Variants in BMPR2 observed in about 807,000 individuals in gnomAD.
BMPR2 encodes the protein bone morphogenetic protein receptor type-2.
In BMPR2, 29 loss-of-function variants were observed where a neutral mutation model predicts 100.8. The ratio of observed to expected loss-of-function variants is 0.29; its 90% CI spans 0.21 to 0.39. The LOEUF (loss-of-function observed/expected upper bound fraction) is 0.39, where lower values mean the gene tolerates loss of function less well. BMPR2 is among the 10% of genes least tolerant of loss of function. The pLI is 1.00. For missense variants in BMPR2, 1,011 were observed against 1,274.5 expected, an observed-to-expected ratio of 0.79 and a Z score of 3.15; for synonymous variants, 382 against 442.3, an observed-to-expected ratio of 0.86 and a Z score of 1.71.
At position 202,515,625 on chromosome 2, in the gene BMPR2, C is replaced by G. The variant is rs1017088990; in HGVS notation, c.621+646C>G. ...GAAAATATGGCCAGGTGCAGTGGCT[C>G]ACGCCTGTAATCCTATCACTTTGGG... On this transcript the variant is annotated intron_variant, in intron 5 of 12. Transcript: ENST00000374580. Among the ~76,000 whole-genome samples, 19 of 151,796 alleles carry G rather than the reference C, an allele frequency of 1.3e-4. 1 individual carries two copies. The highest frequency in any genetic ancestry group is 6.2e-4 in the South Asian group (3 of 4,804).
rs1688700321 is a variant in BMPR2 at position 202,562,951 on chromosome 2, A to G, written c.*3005A>G. 1 of 152,186 alleles carries G rather than the reference A, an allele frequency of 6.6e-6. No homozygotes were observed. Among genetic ancestry groups the G allele is most frequent in the African/African-American group, 2.4e-5 (1 of 41,454 alleles). 9.4% of individuals were successfully genotyped at this position (152,186 alleles called of 1,614,324 possible). A position where few individuals can be genotyped will look rare whatever the true frequency, so the allele number is the denominator to read the frequency against. On this transcript the variant is annotated 3_prime_UTR_variant, in exon 13 of 13. Transcript: ENST00000374580. ...CTCAGAGCAACCATATGAGCATTGT[A>G]ATTAATATTCCCATTTTACAGATGA...
At chr2:202,489,275 T>A (rs1189078170) in intron 3 of BMPR2, among the ~76,000 whole-genome samples, 2 of 152,222 alleles carry the variant, frequency 1.3e-5, no homozygotes, top group African/African-American at 4.8e-5. Flanking sequence ...AGTGCTGGGA[T>A]TACAGGCGTG....
intron 3 of BMPR2, among the ~76,000 whole-genome samples, chr2:202,480,044 G>A (rs796766588): frequency 6.6e-5 from 10 of 152,076 alleles, no homozygotes; most frequent in African/African-American, 2.4e-4. Flanking sequence ...TTAGTTGGTG[G>A]TATTCTTTGA....
chr2:202,496,988 G>A lies in BMPR2; in HGVS notation c.419-16731G>A, dbSNP rs13405037. On this transcript the variant is annotated intron_variant, in intron 3 of 12. Transcript: ENST00000374580. ...AGTTCCGGGTGGGCATGGGCTTGGC[G>A]GGCCCCGCACTCGGAGCAGCCGGCC... is the stretch of plus-strand genomic sequence containing the variant. Among the ~76,000 whole-genome samples the A allele has an allele frequency of 6.3e-3, 965 of 152,350 alleles. 15 individuals are homozygous for A. Among genetic ancestry groups the A allele is most frequent in the African/African-American group, 0.022 (897 of 41,586 alleles).
intron 10 of BMPR2, among the ~76,000 whole-genome samples, chr2:202,551,437 T>A (rs1244242697): frequency 6.6e-6 from 1 of 150,558 alleles, no homozygotes; most frequent in Admixed American, 6.6e-5. Flanking sequence ...GGGAGGAGAA[T>A]CACTTGAACC....
chr2:202,529,381 G>A (rs938886318), intron 7 of BMPR2, among the ~76,000 whole-genome samples: 9 of 152,236 alleles, frequency 5.9e-5, no homozygotes, highest in Non-Finnish European at 1.0e-4. Context: ...AATGAGTACA[G>A]AGGGGAGTTT....
intron 1 of BMPR2, among the ~76,000 whole-genome samples, chr2:202,440,628 G>A (rs1691719222): frequency 1.3e-5 from 2 of 150,662 alleles, no homozygotes; most frequent in Admixed American, 1.3e-4. Flanking sequence ...CTGGGAGGTG[G>A]TGGAGGTTGT....
At chr2:202,529,814 A>G (rs960199845) in intron 7 of BMPR2, among the ~76,000 whole-genome samples, 3 of 152,200 alleles carry the variant, frequency 2.0e-5, no homozygotes, top group Non-Finnish European at 4.4e-5. Flanking sequence ...TACTGAGTCT[A>G]TTTGTGCCAA....
At chr2:202,395,906 C>T (rs918221850) in intron 1 of BMPR2, among the ~76,000 whole-genome samples, 3 of 152,050 alleles carry the variant, frequency 2.0e-5, no homozygotes, top group Non-Finnish European at 1.5e-5. Context: ...CATTGCACTC[C>T]AGCCTGGGCA....
intron 3 of BMPR2, among the ~76,000 whole-genome samples, chr2:202,485,545 C>CTTTTTTTTTTTTTCTTTTT (rs1692757746): frequency 1.6e-5 from 1 of 64,010 alleles, no homozygotes; most frequent in Non-Finnish European, 2.7e-5. Context: ...TTGCCTTTAT[C>CTTTTTTTTTTTTTCTTTTT]TTTTTTTTTT....
chr2:202,496,637 A>G (rs940116562), intron 3 of BMPR2, among the ~76,000 whole-genome samples: 1 of 152,234 alleles, frequency 6.6e-6, no homozygotes, highest in Non-Finnish European at 1.5e-5. Flanking sequence ...AAAACCACCA[A>G]TACCTCATTT....
chr2:202,391,460 A>G (rs1690547591), intron 1 of BMPR2, among the ~76,000 whole-genome samples: 1 of 151,912 alleles, frequency 6.6e-6, no homozygotes, highest in Admixed American at 6.6e-5. Flanking sequence ...GTGTACCACC[A>G]TGCCCGGCTA....
At chr2:202,399,515 A>G (rs1406146539) in intron 1 of BMPR2, among the ~76,000 whole-genome samples, 1 of 152,224 alleles carries the variant, frequency 6.6e-6, no homozygotes. Context: ...CATAGTAAAG[A>G]TGAAGTTTGA....
intron 3 of BMPR2, among the ~76,000 whole-genome samples, chr2:202,498,031 A>G (rs1693079995): frequency 1.3e-5 from 2 of 152,000 alleles, no homozygotes; most frequent in Non-Finnish European, 2.9e-5. Flanking sequence ...CTATTCATAT[A>G]AGTGAGGACA....
At chr2:202,521,186 T>C (rs1328321188) in intron 7 of BMPR2, among the ~76,000 whole-genome samples, 2 of 152,206 alleles carry the variant, frequency 1.3e-5, no homozygotes, top group Admixed American at 6.5e-5. Flanking sequence ...CTAAAAGTTG[T>C]GCAGACATAA....
intron 1 of BMPR2, among the ~76,000 whole-genome samples, chr2:202,412,215 A>G (rs1295650240): frequency 6.6e-6 from 1 of 152,212 alleles, no homozygotes; most frequent in Non-Finnish European, 1.5e-5. Context: ...TATATTTAAG[A>G]TGATAGAAGG....
Position 202,530,847 on chromosome 2 carries a change from G to C in BMPR2, c.1021G>C (p.Val341Leu). 6.2e-7 allele frequency: 1 copy of C among 1,613,946 alleles called. No homozygotes were observed. The highest frequency in any genetic ancestry group is 1.3e-5 in the African/African-American group (1 of 75,028). The change falls in exon 8 of 13, where the codon GTG becomes CTG. Residue 341 changes from valine (V) to leucine (L), a missense_variant. By Grantham distance (32) the Val-to-Leu change is conservative. Around this residue, in one of 6 missense-constraint regions of BMPR2, gnomAD observed 355 missense variants for 455.3 expected, o/e 0.78. Coordinates refer to ENST00000374580, the MANE Select transcript of BMPR2 (RefSeq NM_001204.7). ...HRDLNSRNVLVKNDGTCVISD... is the reference protein window; with the variant it reads ...HRDLNSRNVLLKNDGTCVISD... ...AGATTTAAACAGCAGAAATGTCCTA[G>C]TGAAAAATGATGGAACCTGTGTTAT...
chr2:202,550,481 G>A (rs186074046), intron 10 of BMPR2, among the ~76,000 whole-genome samples: 1 of 151,646 alleles, frequency 6.6e-6, no homozygotes, highest in Non-Finnish European at 1.5e-5. Flanking sequence ...GCCTTCCAAA[G>A]TCCTGGGATT....
intron 3 of BMPR2, among the ~76,000 whole-genome samples, chr2:202,477,229 A>G (rs1020017980): frequency 6.6e-6 from 1 of 152,220 alleles, no homozygotes; most frequent in African/African-American, 2.4e-5. Flanking sequence ...CATTCAATAA[A>G]TAACAGTTAC....
Sources: allele counts gnomAD v4.1 joint callset (sites outside exome capture counted in the v4.1 genomes callset), GRCh38; gene constraint gnomAD v4.1.1; regional missense constraint gnomAD v4.1.1; transcripts MANE v1.5; gene names NCBI Gene and HGNC (gene_info 2026-07-23, HGNC 2026-07-21).